The following COL26A1 variants were observed in gnomAD, a reference collection of about 807,000 sequenced individuals.
COL26A1 encodes the protein collagen alpha-1(XXVI) chain.
A neutral mutation model predicts 59.3 loss-of-function variants in COL26A1; 41 were observed. The ratio of observed to expected loss-of-function variants is 0.69; its 90% confidence interval spans 0.54 to 0.90. The LOEUF is 0.90. Among genes scored for constraint, COL26A1 ranks in the 40% least tolerant of loss-of-function variants. The probability of loss-of-function intolerance (pLI) is 0.00; values close to 1 mark genes in which losing one functional copy is unlikely to be tolerated. For missense variants in COL26A1, 612 were observed against 602.3 expected (o/e 1.02, Z -0.17); for synonymous variants, 266 against 256.0 (o/e 1.04, Z -0.37).
intron 3 of COL26A1, among the ~76,000 whole-genome samples, chr7:101,520,201 C>T (rs947887159): frequency 3.9e-5 from 6 of 152,096 alleles, no homozygotes; most frequent in African/African-American, 1.2e-4. Flanking sequence ...GAAGTCCCCC[C>T]GGAGCATCAT....
chr7:101,465,627 G>C (rs886314235), intron 3 of COL26A1, among the ~76,000 whole-genome samples: 2 of 149,642 alleles, frequency 1.3e-5, no homozygotes, highest in African/African-American at 4.9e-5. Context: ...CCAGGGGGCA[G>C]AGGTTGAAGT....
At chr7:101,451,987 G>A (rs929170439) in intron 3 of COL26A1, among the ~76,000 whole-genome samples, 2 of 152,104 alleles carry the variant, frequency 1.3e-5, no homozygotes, top group Non-Finnish European at 2.9e-5. Context: ...AATTGCAGGC[G>A]TGAGCCACCG....
At chr7:101,552,492 C>G in intron 10 of COL26A1, among the ~76,000 whole-genome samples, 1 of 152,120 alleles carries the variant, frequency 6.6e-6, no homozygotes, top group Non-Finnish European at 1.5e-5. Flanking sequence ...TGGTGCGTGC[C>G]CATAGTCCTA....
At chr7:101,538,576 G>T (rs1795533237) in intron 4 of COL26A1, among the ~76,000 whole-genome samples, 2 of 152,178 alleles carry the variant, frequency 1.3e-5, no homozygotes, top group African/African-American at 4.8e-5. Context: ...GCTCTGGGGG[G>T]TTAAGGGGCC....
chr7:101,434,783 G>T (rs1792876960), intron 2 of COL26A1, among the ~76,000 whole-genome samples: 1 of 152,200 alleles, frequency 6.6e-6, no homozygotes, highest in South Asian at 2.1e-4. Context: ...GGGTTTTGCA[G>T]ATCATGTGTT....
intron 4 of COL26A1, among the ~76,000 whole-genome samples, chr7:101,535,008 C>T (rs984048736): frequency 2.0e-5 from 3 of 152,236 alleles, no homozygotes; most frequent in Admixed American, 6.5e-5. Flanking sequence ...GATATGAACA[C>T]AGGTGTGCGG....
chr7:101,370,651 C>A (rs1791170187), intron 1 of COL26A1, among the ~76,000 whole-genome samples: 1 of 152,200 alleles, frequency 6.6e-6, no homozygotes, highest in African/African-American at 2.4e-5. Context: ...GGATTACAGG[C>A]ATGAGCCACT....
chr7:101,478,585 AT>A (rs2130486346), intron 3 of COL26A1, among the ~76,000 whole-genome samples: 1 of 152,330 alleles, frequency 6.6e-6, no homozygotes, highest in Admixed American at 6.5e-5. Flanking sequence ...TACCACTAAG[AT>A]TTAACAGTTG....
intron 3 of COL26A1, among the ~76,000 whole-genome samples, chr7:101,532,105 A>G (rs1422386667): frequency 6.6e-6 from 1 of 152,038 alleles, no homozygotes; most frequent in Non-Finnish European, 1.5e-5. Context: ...GCTTTGAACC[A>G]TCTATTTCAT....
At chr7:101,434,103 CTTTCTTTCTT>C (rs1792851276) in intron 2 of COL26A1, among the ~76,000 whole-genome samples, 2 of 96,420 alleles carry the variant, frequency 2.1e-5, no homozygotes, top group Non-Finnish European at 3.8e-5. Flanking sequence ...TTTCTTTCTG[CTTTCTTTCTT>C]TTTCTTTCTT....
intron 3 of COL26A1, among the ~76,000 whole-genome samples, chr7:101,488,278 C>T (rs1373975405): frequency 6.9e-6 from 1 of 144,750 alleles, no homozygotes; most frequent in Non-Finnish European, 1.5e-5. Context: ...GAGACTCTGT[C>T]TCAAAAAAAA....
At chr7:101,463,652 A>G (rs140702030) in intron 3 of COL26A1, among the ~76,000 whole-genome samples, 1 of 58,904 alleles carries the variant, frequency 1.7e-5, no homozygotes, top group African/African-American at 5.7e-5. Context: ...CCATCCTTCC[A>G]TCCTTCCATC....
At chr7:101,442,409 C>T (rs369919170) in intron 2 of COL26A1, among the ~76,000 whole-genome samples, 36 of 151,764 alleles carry the variant, frequency 2.4e-4, no homozygotes, top group East Asian at 1.9e-3. Context: ...TCACTGCAAC[C>T]TCCGCCTCCC....
At chr7:101,477,136 G>A (rs940586602) in intron 3 of COL26A1, among the ~76,000 whole-genome samples, 1 of 152,150 alleles carries the variant, frequency 6.6e-6, no homozygotes. Flanking sequence ...GAGCCACCGA[G>A]CCCGGCCTCT....
At chr7:101,500,181 C>T (rs918692323) in intron 3 of COL26A1, among the ~76,000 whole-genome samples, 4 of 152,126 alleles carry the variant, frequency 2.6e-5, no homozygotes, top group African/African-American at 4.8e-5. Flanking sequence ...GCTATTGCAA[C>T]GTCCCCGCCT....
At chr7:101,450,881 A>G (rs946107974) in intron 3 of COL26A1, among the ~76,000 whole-genome samples, 18 of 147,288 alleles carry the variant, frequency 1.2e-4, no homozygotes, top group Non-Finnish European at 2.2e-4. Context: ...ACAATTCTAT[A>G]TGGATATTGA....
chr7:101,541,973 A>AT lies in COL26A1; in HGVS notation c.604+1935dup, dbSNP rs111971654. 8.4e-3 allele frequency among the ~76,000 whole-genome samples: 1,248 copies of AT among 148,538 alleles called. 7 individuals are homozygous for AT. The highest frequency in any genetic ancestry group is 0.017 in the Middle Eastern group (5 of 288). ...TGAAAATATTTCAAATACAGATATA[A>AT]TTTTTTTTTTTGACATGGAGTCTCA... On this transcript the variant is annotated intron_variant, in intron 5 of 12. Transcript: ENST00000313669.
intron 12 of COL26A1, among the ~76,000 whole-genome samples, chr7:101,556,202 A>G (rs191822967): frequency 6.6e-6 from 1 of 152,246 alleles, no homozygotes; most frequent in African/African-American, 2.4e-5. Flanking sequence ...GACCTGCTCA[A>G]AGATCTCGGC....
At chr7:101,530,907 G>A (rs191808667) in intron 3 of COL26A1, among the ~76,000 whole-genome samples, 9 of 152,076 alleles carry the variant, frequency 5.9e-5, no homozygotes, top group Middle Eastern at 3.4e-3. Context: ...AGGTCCCTCC[G>A]CCTTTCCCTT....
Sources: allele counts gnomAD v4.1 joint callset (sites outside exome capture counted in the v4.1 genomes callset), GRCh38; gene constraint gnomAD v4.1.1; transcripts MANE v1.5; gene names NCBI Gene and HGNC (gene_info 2026-07-23, HGNC 2026-07-21).